MAEL: variants seen among roughly 807,000 people sequenced by gnomAD.
MAEL encodes the protein protein maelstrom homolog.
In MAEL, 46 loss-of-function variants were observed where a neutral mutation model predicts 62.0. That is an observed-to-expected ratio of 0.74 (90% CI 0.59 to 0.95). The LOEUF (loss-of-function observed/expected upper bound fraction) is 0.95. MAEL is among the 40% of genes least tolerant of loss of function. The pLI, the probability that MAEL is intolerant of heterozygous loss-of-function variation, is 0.00. For missense variants in MAEL, 497 were observed against 526.8 expected, an observed-to-expected ratio of 0.94 and a Z score of 0.55; for synonymous variants, 172 against 175.5, an observed-to-expected ratio of 0.98 and a Z score of 0.16.
chr1:166,990,863 T>G (rs1032473391), intron 2 of MAEL, among the ~76,000 whole-genome samples: 1 of 152,232 alleles, frequency 6.6e-6, no homozygotes, highest in African/African-American at 2.4e-5. Context: ...GGATTGAAAT[T>G]CAAGAGATAG....
chr1:166,994,967 C>A (rs934725718), intron 5 of MAEL, among the ~76,000 whole-genome samples: 1 of 149,502 alleles, frequency 6.7e-6, no homozygotes, highest in Admixed American at 6.7e-5. Flanking sequence ...ACCGTGCCCA[C>A]CCAGTAATTT....
chr1:166,981,413 A>G (rs1663755205), intron 1 of MAEL, among the ~76,000 whole-genome samples: 1 of 152,206 alleles, frequency 6.6e-6, no homozygotes, highest in Non-Finnish European at 1.5e-5. Context: ...GAAATTAAAA[A>G]CGAATATGAA....
At chr1:166,986,945 C>CATGT (rs746515821), upstream of MAEL, among the ~76,000 whole-genome samples, 6 of 147,030 alleles carry the variant, frequency 4.1e-5, no homozygotes, top group Non-Finnish European at 6.0e-5. Context: ...AGGAAGGGGA[C>CATGT]GTGTGTGTGT....
At chr1:166,992,552 C>T in intron 3 of MAEL, 134 bp from the exon 4 acceptor site, 15 of 561,508 alleles carry the variant, frequency 2.7e-5, no homozygotes, top group South Asian at 9.0e-5. Context: ...TTCTCTTTTC[C>T]AGCTCATTTA....
chr1:167,003,137 G>A (rs976001685), intron 5 of MAEL, among the ~76,000 whole-genome samples: 1 of 152,110 alleles, frequency 6.6e-6, no homozygotes, highest in African/African-American at 2.4e-5. Flanking sequence ...CACTCAGGCT[G>A]GAGTGCAGTG....
intron 8 of MAEL, 140 bp from the exon 9 acceptor site, chr1:167,016,082 A>T: frequency 1.4e-6 from 1 of 737,074 alleles, no homozygotes; most frequent in Non-Finnish European, 2.4e-6. Flanking sequence ...TCTGTTTTTT[A>T]AAAATCTTTG....
At chr1:166,989,016 A>G, upstream of MAEL, 1 of 245,464 alleles carries the variant, frequency 4.1e-6, no homozygotes. Context: ...CTTTTTCTCT[A>G]CCTACTTTGT....
intron 5 of MAEL, among the ~76,000 whole-genome samples, chr1:167,001,056 T>C (rs1664641003): frequency 6.6e-6 from 1 of 152,200 alleles, no homozygotes; most frequent in African/African-American, 2.4e-5. Context: ...TATGTGTGTA[T>C]ATATATGATG....
chr1:167,001,520 G>T (rs755957560), intron 5 of MAEL, among the ~76,000 whole-genome samples: 1 of 152,128 alleles, frequency 6.6e-6, no homozygotes, highest in Non-Finnish European at 1.5e-5. Flanking sequence ...TTATATTAAG[G>T]TATGTTCATT....
chr1:166,981,032 A>G (rs1489534753), intron 1 of MAEL, among the ~76,000 whole-genome samples: 3 of 152,232 alleles, frequency 2.0e-5, no homozygotes, highest in Non-Finnish European at 4.4e-5. Flanking sequence ...CACCCCCAGC[A>G]AATGGGCAGG....
In MAEL at chr1:166,981,792, A is replaced by G. The variant is rs545313568; in HGVS notation, c.-121+6126A>G. ...GTTTACAAAAGGCAGAGTCAGCAAT[A>G]AGGCTGGAAAGGTAGGCTGAGGTTG... On this transcript the variant is annotated intron_variant, in intron 1 of 12. Transcript: ENST00000622874. Among the ~76,000 whole-genome samples the G allele has an allele frequency of 3.3e-5, 5 of 152,310 alleles. No individual in the cohort carries two copies. In the South Asian group the frequency reaches 8.3e-4, roughly 25 times the overall value.
At chr1:166,986,538 G>A (rs1347931718), upstream of MAEL, among the ~76,000 whole-genome samples, 3 of 152,156 alleles carry the variant, frequency 2.0e-5, no homozygotes, top group Non-Finnish European at 4.4e-5. Context: ...TGATAAAAAT[G>A]TAAGTTTTAA....
At chr1:167,020,277 G>T (rs1295997050) in intron 10 of MAEL, among the ~76,000 whole-genome samples, 1 of 151,864 alleles carries the variant, frequency 6.6e-6, no homozygotes, top group African/African-American at 2.4e-5. Flanking sequence ...CCACTGCCTT[G>T]CATGCACTGT....
At chr1:167,015,251 T>G (rs1665340741) in intron 8 of MAEL, among the ~76,000 whole-genome samples, 1 of 152,222 alleles carries the variant, frequency 6.6e-6, no homozygotes, top group Admixed American at 6.5e-5. Flanking sequence ...TTTATATAAC[T>G]TAACTTTTGT....
At chr1:166,996,791 T>C (rs975948967) in intron 5 of MAEL, among the ~76,000 whole-genome samples, 4 of 152,256 alleles carry the variant, frequency 2.6e-5, no homozygotes, top group African/African-American at 9.6e-5. Flanking sequence ...ACATATTGTA[T>C]GTTTCAGGGT....
At chr1:167,011,437 G>T (rs893865731) in intron 8 of MAEL, among the ~76,000 whole-genome samples, 2 of 152,106 alleles carry the variant, frequency 1.3e-5, no homozygotes, top group Non-Finnish European at 2.9e-5. Context: ...GTTACAGGCT[G>T]AAGTATTTCT....
chr1:166,980,324 C>T (rs897600093), intron 1 of MAEL, among the ~76,000 whole-genome samples: 3 of 152,140 alleles, frequency 2.0e-5, no homozygotes, highest in East Asian at 1.9e-4. Context: ...CTGTGCCCAG[C>T]CTATAATTTT....
chr1:167,013,726 A>G (rs891343786), intron 8 of MAEL, among the ~76,000 whole-genome samples: 1 of 152,132 alleles, frequency 6.6e-6, no homozygotes, highest in Non-Finnish European at 1.5e-5. Context: ...AAATGAGGCT[A>G]CAAAGCCGAG....
chr1:167,011,206 C>T (rs907802294), intron 8 of MAEL, among the ~76,000 whole-genome samples: 2 of 152,152 alleles, frequency 1.3e-5, no homozygotes, highest in African/African-American at 4.8e-5. Context: ...TTTCTGGACT[C>T]TACTGCATAT....
Sources: allele counts gnomAD v4.1 joint callset (sites outside exome capture counted in the v4.1 genomes callset), GRCh38; gene constraint gnomAD v4.1.1; transcripts MANE v1.5; gene names NCBI Gene and HGNC (gene_info 2026-07-23, HGNC 2026-07-21).